PCDH7: variants seen among roughly 807,000 people sequenced by gnomAD.
PCDH7 encodes the protein protocadherin 7, also known as protocadherin-7.
In PCDH7, 17 loss-of-function variants were observed where a neutral mutation model predicts 58.9. The observed-to-expected ratio is 0.29, with a 90% CI of 0.20 to 0.43. The LOEUF (loss-of-function observed/expected upper bound fraction) is 0.43. Ranked by LOEUF, PCDH7 falls within the 20% of genes least tolerant of loss-of-function variation. PCDH7 has a pLI of 1.00. For synonymous variants in PCDH7, 664 were observed against 616.4 expected (o/e 1.08, Z -1.14); for missense variants, 1,274 against 1,441.0 (o/e 0.88, Z 1.88).
At chr4:31,057,337 C>T (rs908221053) in intron 3 of PCDH7, among the ~76,000 whole-genome samples, 5 of 152,138 alleles carry the variant, frequency 3.3e-5, no homozygotes, top group Non-Finnish European at 5.9e-5. Context: ...GGTCCTAAAG[C>T]ACAGTCTCTG....
rs73214956 is a variant in PCDH7, at chr4:30,967,644, C to T, written c.*7+17429C>T. On this transcript the variant is annotated intron_variant, in intron 3 of 3. Transcript: ENST00000509759. ...TAGAAGTATTCTTATTTTCTTCTCT[C>T]GCTCCCATGAAATTTATGTTACATT... is the stretch of plus-strand genomic sequence containing the variant. Among the ~76,000 whole-genome samples, 844 of 152,142 alleles carry T rather than the reference C, an allele frequency of 5.5e-3. 5 individuals are homozygous for T. The highest frequency in any genetic ancestry group is 0.017 in the Middle Eastern group (5 of 294).
chr4:31,137,126 A>C (rs1341812277), intron 3 of PCDH7, among the ~76,000 whole-genome samples: 1 of 152,224 alleles, frequency 6.6e-6, no homozygotes, highest in Non-Finnish European at 1.5e-5. Flanking sequence ...TAAGTCCACC[A>C]AATTTCACTA....
At chr4:30,748,895 T>C (rs563290239) in intron 1 of PCDH7, among the ~76,000 whole-genome samples, 1 of 152,118 alleles carries the variant, frequency 6.6e-6, no homozygotes, top group South Asian at 2.1e-4. Context: ...TGATGGGTGT[T>C]CTCTGGGACA....
At chr4:31,043,601 A>G (rs768905538) in intron 3 of PCDH7, among the ~76,000 whole-genome samples, 46 of 152,138 alleles carry the variant, frequency 3.0e-4, no homozygotes, top group Non-Finnish European at 2.2e-4. Context: ...CTCTCAGTTC[A>G]TGTTGCCCTT....
At chr4:30,837,264 G>A (rs28447642) in intron 1 of PCDH7, among the ~76,000 whole-genome samples, 1,904 of 152,134 alleles carry the variant, frequency 0.013, 39 homozygotes, top group African/African-American at 0.042. Flanking sequence ...TGCAGTGTGT[G>A]GTAATGCCCT....
chr4:30,732,893 T>C (rs867390695), exon 2 of PCDH7: 1 of 152,176 alleles, frequency 6.6e-6, no homozygotes, highest in Non-Finnish European at 1.5e-5. Flanking sequence ...TACAGCAACA[T>C]TTATCAACAG....
At chr4:31,124,525 T>C (rs1345719930) in intron 3 of PCDH7, among the ~76,000 whole-genome samples, 1 of 152,184 alleles carries the variant, frequency 6.6e-6, no homozygotes, top group Non-Finnish European at 1.5e-5. Context: ...TTATTAAAAT[T>C]ACTAGGTATA....
At chr4:30,869,453 G>T (rs1223383629) in intron 1 of PCDH7, among the ~76,000 whole-genome samples, 3 of 151,756 alleles carry the variant, frequency 2.0e-5, no homozygotes, top group African/African-American at 7.3e-5. Context: ...CCACTGAAAG[G>T]CCCCAGTGTG....
chr4:30,807,091 G>T (rs1267444029), intron 1 of PCDH7, among the ~76,000 whole-genome samples: 1 of 152,078 alleles, frequency 6.6e-6, no homozygotes, highest in Non-Finnish European at 1.5e-5. Context: ...TTTTGGATCT[G>T]GATTTCTCAT....
At chr4:30,809,791 A>G (rs1726743388) in intron 1 of PCDH7, among the ~76,000 whole-genome samples, 1 of 152,070 alleles carries the variant, frequency 6.6e-6, no homozygotes, top group African/African-American at 2.4e-5. Context: ...CGCCCTAGTA[A>G]ACATCTCGGG....
chr4:30,835,252 G>A (rs1374626791), intron 1 of PCDH7, among the ~76,000 whole-genome samples: 1 of 152,060 alleles, frequency 6.6e-6, no homozygotes, highest in East Asian at 1.9e-4. Context: ...CAGGTTCATG[G>A]CCTGTTAGTA....
intron 1 of PCDH7, among the ~76,000 whole-genome samples, chr4:30,803,949 TC>T (rs1026646713): frequency 6.6e-6 from 1 of 152,176 alleles, no homozygotes; most frequent in African/African-American, 2.4e-5. Context: ...TATAGTGAAA[TC>T]TATGTGAATA....
rs772566437 is a variant in PCDH7 at position 30,998,412 on chromosome 4, AGCTGGT to A, written c.*7+48199_*7+48204del. Among the ~76,000 whole-genome samples the A allele has an allele frequency of 4.9e-4, 75 of 152,308 alleles. 1 individual carries two copies. The highest frequency in any genetic ancestry group is 3.4e-3 in the Middle Eastern group (1 of 294). Reference sequence around the variant, plus strand: ...AGGAAGGGTAGTGACTGAAATACCCAGCTGGTGTTTTTTTGTAGTTGTCTGACTGAG... The same window carrying A: ...AGGAAGGGTAGTGACTGAAATACCCAGTTTTTTTGTAGTTGTCTGACTGAG... On this transcript the variant is annotated intron_variant, in intron 3 of 3. Coordinates refer to the PCDH7 transcript ENST00000509759.
At chr4:31,143,996 G>A (rs1720514878), downstream of PCDH7, 1 of 152,152 alleles carries the variant, frequency 6.6e-6, no homozygotes, top group African/African-American at 2.4e-5. Flanking sequence ...TGGATCATGG[G>A]TAGGTTAAGA....
chr4:30,747,590 T>A (rs1055094449), intron 1 of PCDH7, among the ~76,000 whole-genome samples: 2 of 152,234 alleles, frequency 1.3e-5, no homozygotes, highest in Admixed American at 1.3e-4. Flanking sequence ...TTTTCTCCTA[T>A]CTCTTCATTC....
intron 3 of PCDH7, among the ~76,000 whole-genome samples, chr4:31,115,558 T>C (rs1186946490): frequency 6.6e-6 from 1 of 152,196 alleles, no homozygotes; most frequent in Admixed American, 6.5e-5. Context: ...TTGTATAAGC[T>C]GTATTCACCA....
chr4:30,840,902 T>A lies in PCDH7; in HGVS notation c.71-79251T>A, dbSNP rs142644429. The stretch of plus-strand genomic sequence containing the variant: ...TAATTTCTTTGGCCCTTTTTTTTTT[T>A]CTGCAAAACCAAGAGTTTGCTTTCT... On this transcript the variant is annotated intron_variant, in intron 1 of 3. Coordinates refer to the PCDH7 transcript ENST00000509759. 8.7e-3 allele frequency among the ~76,000 whole-genome samples: 1,328 copies of A among 152,094 alleles called. 17 individuals carry two copies. The highest frequency in any genetic ancestry group is 0.03 in the African/African-American group (1,227 of 41,508).
intron 1 of PCDH7, among the ~76,000 whole-genome samples, chr4:30,875,927 A>G (rs1199211987): frequency 3.9e-5 from 6 of 152,130 alleles, no homozygotes; most frequent in Non-Finnish European, 8.8e-5. Flanking sequence ...TAGAGTGAAA[A>G]TTAAATTCAC....
intron 2 of PCDH7, among the ~76,000 whole-genome samples, chr4:30,930,168 G>C (rs906314456): frequency 6.6e-6 from 1 of 152,166 alleles, no homozygotes; most frequent in African/African-American, 2.4e-5. Flanking sequence ...GAGGACTTGA[G>C]TGTGGGTTAC....
Sources: gnomAD v4.1 joint callset for allele counts (sites outside exome capture counted in the v4.1 genomes callset) on GRCh38, gnomAD v4.1.1 for gene constraint, MANE v1.5 for transcripts, NCBI Gene and HGNC (gene_info 2026-07-23, HGNC 2026-07-21) for gene names.